Variants in HHLA1 observed in about 807,000 individuals in gnomAD.
The protein encoded by HHLA1 is HERV-H LTR-associating protein 1.
In HHLA1, 72 loss-of-function variants were observed where a neutral mutation model predicts 69.9. The observed-to-expected ratio is 1.03, with a 90% CI of 0.85 to 1.25. HHLA1 has a LOEUF of 1.25. HHLA1 is among the 50% of genes most tolerant of loss of function. The pLI is 0.00. For synonymous variants in HHLA1, 252 were observed against 233.2 expected, an observed-to-expected ratio of 1.08 and a Z score of -0.73; for missense variants, 685 against 642.2, an observed-to-expected ratio of 1.07 and a Z score of -0.72.
At chr8:132,077,541 A>G (rs1020050909) in intron 12 of HHLA1, among the ~76,000 whole-genome samples, 185 bp downstream of exon 12, 2 of 152,226 alleles carry the variant, frequency 1.3e-5, no homozygotes, top group African/African-American at 4.8e-5. Context: ...GCTTTCATTC[A>G]TCTACAGATG....
At chr8:132,075,132 T>A (rs1248954757) in intron 14 of HHLA1, among the ~76,000 whole-genome samples, 2 of 152,216 alleles carry the variant, frequency 1.3e-5, no homozygotes. Flanking sequence ...AGTAGCATAA[T>A]CACATCTTTG....
chr8:132,081,474 C>T (rs566596288), intron 10 of HHLA1, among the ~76,000 whole-genome samples: 22 of 152,144 alleles, frequency 1.4e-4, no homozygotes, highest in East Asian at 3.9e-4. Context: ...TTCTTGAAGA[C>T]GGAGGACCGT....
At chr8:132,088,980 C>T (rs534512042) in intron 8 of HHLA1, among the ~76,000 whole-genome samples, 4 of 152,302 alleles carry the variant, frequency 2.6e-5, no homozygotes, top group South Asian at 2.1e-4. Flanking sequence ...TGCATCACAC[C>T]GTCTTTCTGC....
At chr8:132,103,380 G>T (rs1015628280) in intron 3 of HHLA1, among the ~76,000 whole-genome samples, 3 of 152,186 alleles carry the variant, frequency 2.0e-5, no homozygotes, top group Non-Finnish European at 2.9e-5. Context: ...CACTTTGGAA[G>T]GCCGAGGCAA....
At chr8:132,099,724 G>A (rs559083642) in intron 4 of HHLA1, among the ~76,000 whole-genome samples, 10 of 152,130 alleles carry the variant, frequency 6.6e-5, no homozygotes, top group Admixed American at 1.3e-4. Flanking sequence ...TGTGGTGGCC[G>A]GTGCCTGTAA....
intron 15 of HHLA1, among the ~76,000 whole-genome samples, chr8:132,066,445 T>A (rs1056269963): frequency 4.6e-5 from 7 of 152,194 alleles, no homozygotes; most frequent in African/African-American, 1.7e-4. Flanking sequence ...CTGCTGTCAT[T>A]ATCAATGCAG....
At position 132,084,321 on chromosome 8, in the gene HHLA1, G is replaced by T. The variant is rs929920790; in HGVS notation, c.676+3332C>A. ...CTGGGGAGGAAGGGAGAGGTCAGAT[G>T]GGTCTGTAGAAAAGGAAGATTAGAA... On this transcript the variant is annotated intron_variant, in intron 10 of 16. Coordinates refer to ENST00000414222, the MANE Select transcript of HHLA1 (RefSeq NM_001145095.3). Among the ~76,000 whole-genome samples the T allele has an allele frequency of 1.8e-4, 27 of 152,136 alleles. No homozygotes were observed. In the South Asian group the frequency reaches 1.9e-3, roughly 11 times the overall value.
At chr8:132,089,685 T>G in intron 7 of HHLA1, 86 bp from the exon 8 acceptor site, 1 of 729,774 alleles carries the variant, frequency 1.4e-6, no homozygotes, top group Non-Finnish European at 2.5e-6. Context: ...TCAGAGTAAA[T>G]TTTACAAGTT....
chr8:132,076,933 AC>A (rs759271355), intron 12 of HHLA1, among the ~76,000 whole-genome samples: 2 of 151,378 alleles, frequency 1.3e-5, no homozygotes, highest in African/African-American at 4.9e-5. Context: ...GATCCATCCC[AC>A]CCCCGACAAA....
At chr8:132,073,687 T>C (rs1328029810) in intron 14 of HHLA1, among the ~76,000 whole-genome samples, 4 of 152,142 alleles carry the variant, frequency 2.6e-5, no homozygotes, top group Non-Finnish European at 5.9e-5. Context: ...CAAGGCTTGA[T>C]TTCCATGTCC....
intron 3 of HHLA1, among the ~76,000 whole-genome samples, chr8:132,103,047 A>G (rs1321830320): frequency 1.3e-5 from 2 of 152,164 alleles, no homozygotes; most frequent in Non-Finnish European, 2.9e-5. Context: ...GGTTCCTGGC[A>G]TTTTTTGTAC....
At chr8:132,078,738 A>G (rs1823688676) in intron 11 of HHLA1, among the ~76,000 whole-genome samples, 1 of 152,112 alleles carries the variant, frequency 6.6e-6, no homozygotes, top group Non-Finnish European at 1.5e-5. Context: ...AAGAGAGAGA[A>G]CATTTATAGA....
At chr8:132,075,574 A>G (rs887182940) in intron 14 of HHLA1, among the ~76,000 whole-genome samples, 2 of 152,214 alleles carry the variant, frequency 1.3e-5, no homozygotes, top group Non-Finnish European at 2.9e-5. Flanking sequence ...ACACAGAACA[A>G]CAGGACATCA....
intron 5 of HHLA1, among the ~76,000 whole-genome samples, chr8:132,097,765 A>T (rs1824047842): frequency 6.6e-6 from 1 of 152,150 alleles, no homozygotes; most frequent in East Asian, 1.9e-4. Flanking sequence ...AGCAAATTGG[A>T]GGCAGGAGCT....
intron 16 of HHLA1, among the ~76,000 whole-genome samples, chr8:132,064,977 T>C (rs563104163): frequency 1.3e-5 from 2 of 152,294 alleles, no homozygotes; most frequent in African/African-American, 4.8e-5. Flanking sequence ...CAGCTTATAT[T>C]TGGGTTACAG....
chr8:132,071,260 C>T (rs767263481), intron 15 of HHLA1, 80 bp downstream of exon 15: 10 of 1,327,088 alleles, frequency 7.5e-6, no homozygotes, highest in East Asian at 5.0e-5. Context: ...GCCTGACTGC[C>T]TTGTGGCCTG....
At chr8:132,066,004 T>C (rs1823431964) in intron 15 of HHLA1, 36 bp from the exon 16 acceptor site, 1 of 941,264 alleles carries the variant, frequency 1.1e-6, no homozygotes, top group Non-Finnish European at 1.5e-6. Flanking sequence ...GCAATAACTA[T>C]CCTGTGATGG....
Position 132,098,949 on chromosome 8 carries a change from C to A in HHLA1, c.213G>T (p.Arg71Ser), listed in dbSNP as rs1298004755. 1.3e-6 allele frequency: 2 copies of A among 1,550,180 alleles called. No homozygotes were observed. Among genetic ancestry groups the A allele is most frequent in the East Asian group, 2.4e-5 (1 of 40,864 alleles). The change falls in exon 5 of 17, where the codon AGG becomes AGT. Residue 71 changes from arginine (R) to serine (S), a missense_variant. Physicochemically the swap from Arg to Ser is moderately radical, Grantham distance 110. Coordinates refer to ENST00000414222, the MANE Select transcript of HHLA1 (RefSeq NM_001145095.3). ...AFLATTELPA[R>S]SIDLSALNLT... ...GGTTAAGCGCGGACAGATCGATTGA[C>A]CTTGCGGGCAGCTCTGAAAGAGATT...
At chr8:132,089,421 G>T in intron 8 of HHLA1, 95 bp downstream of exon 8, 1 of 729,384 alleles carries the variant, frequency 1.4e-6, no homozygotes. Context: ...CTGGCCTATA[G>T]CAGGGGTTGG....
Sources: gnomAD v4.1 joint callset for allele counts (sites outside exome capture counted in the v4.1 genomes callset) on GRCh38, gnomAD v4.1.1 for gene constraint, MANE v1.5 for transcripts, NCBI Gene and HGNC (gene_info 2026-07-23, HGNC 2026-07-21) for gene names.